Variants in MRPL3 observed in about 807,000 individuals in gnomAD.
The protein encoded by MRPL3 is mitochondrial ribosomal protein L3.
A neutral mutation model predicts 44.3 loss-of-function variants in MRPL3; 43 were observed. The observed-to-expected ratio is 0.97, with a 90% CI of 0.76 to 1.25. The LOEUF is 1.25. MRPL3 is among the 50% of genes most tolerant of loss of function. MRPL3 has a pLI of 0.00. For missense variants in MRPL3, 406 were observed against 427.6 expected, an observed-to-expected ratio of 0.95 and a Z score of 0.45; for synonymous variants, 171 against 152.3, an observed-to-expected ratio of 1.12 and a Z score of -0.91.
chr3:131,497,531 G>A (rs1934397691), intron 4 of MRPL3, among the ~76,000 whole-genome samples: 1 of 152,000 alleles, frequency 6.6e-6, no homozygotes, highest in Non-Finnish European at 1.5e-5. Flanking sequence ...ACCTAAAGAT[G>A]TTTACTGAAA....
chr3:131,487,523 A>G (rs1333064328), intron 6 of MRPL3, 157 bp downstream of exon 6: 8 of 631,694 alleles, frequency 1.3e-5, no homozygotes, highest in Non-Finnish European at 1.6e-5. Context: ...GGCACAATTT[A>G]AAAACCAGTG....
At chr3:131,478,264 T>C (rs1341785821) in intron 6 of MRPL3, among the ~76,000 whole-genome samples, 1 of 152,200 alleles carries the variant, frequency 6.6e-6, no homozygotes, top group African/African-American at 2.4e-5. Context: ...ATGATCCCAT[T>C]CTACAGATGT....
Position 131,471,176 on chromosome 3 carries a change from T to C in MRPL3, c.733A>G (p.Thr245Ala). 1 of 1,608,506 alleles carries C rather than the reference T, an allele frequency of 6.2e-7. No homozygotes were observed. The highest frequency in any genetic ancestry group is 8.5e-7 in the Non-Finnish European group (1 of 1,175,464). ...KTHRRPGAVA[T>A]GDIGRVWPGT... ...GCTTCACTAGTTATACTCACACCAG[T>C]TGCAACAGCTCCAGGTCTCCTGTGG... Residue 245 changes from threonine (T) to alanine (A), a missense_variant, in exon 7 of 10, where the codon ACT becomes GCT. By Grantham distance (58) the Thr-to-Ala change is moderately conservative. Coordinates refer to ENST00000264995, the MANE Select transcript of MRPL3 (RefSeq NM_007208.4).
At chr3:131,466,002 T>A (rs1001063300) in intron 9 of MRPL3, among the ~76,000 whole-genome samples, 1 of 151,648 alleles carries the variant, frequency 6.6e-6, no homozygotes, top group Non-Finnish European at 1.5e-5. Context: ...GGCCACGTGA[T>A]CCTATCCTCC....
intron 1 of MRPL3, among the ~76,000 whole-genome samples, 175 bp downstream of exon 1, chr3:131,502,555 C>T (rs182184839): frequency 1.6e-4 from 24 of 152,308 alleles, no homozygotes; most frequent in African/African-American, 5.8e-4. Flanking sequence ...TTTTAAAAAT[C>T]ACCACTTCAA....
At chr3:131,484,518 C>T (rs956354889) in intron 6 of MRPL3, among the ~76,000 whole-genome samples, 1 of 151,830 alleles carries the variant, frequency 6.6e-6, no homozygotes, top group Non-Finnish European at 1.5e-5. Flanking sequence ...GATTAATATC[C>T]AGAAGATAGA....
Position 131,462,838 on chromosome 3 carries a change from C to T in MRPL3, c.932G>A (p.Gly311Asp). Reference sequence around the variant, plus strand: ...ATATGTAGGGAATGGTAGATTTTTACCGAGATCCTTATATGCAGGCAGTTT... The same window carrying T: ...ATATGTAGGGAATGGTAGATTTTTATCGAGATCCTTATATGCAGGCAGTTT... Reference protein sequence around the residue: ...DSKLPAYKDLGKNLPFPTYFP... With the variant: ...DSKLPAYKDLDKNLPFPTYFP... Residue 311 changes from glycine to aspartate, a missense_variant, in exon 10 of 10, where the codon GGT becomes GAT. Coordinates refer to ENST00000264995, the MANE Select transcript of MRPL3 (RefSeq NM_007208.4). The T allele has an allele frequency of 6.2e-7, 1 of 1,612,080 alleles. No individual in the cohort carries two copies. The highest frequency in any genetic ancestry group is 1.1e-5 in the South Asian group (1 of 90,878).
chr3:131,488,634 A>C (rs1467947114), intron 5 of MRPL3: 2 of 152,126 alleles, frequency 1.3e-5, no homozygotes, highest in East Asian at 3.8e-4. Context: ...TCATCAAATA[A>C]GATACATTTT....
chr3:131,497,948 T>G, intron 4 of MRPL3: 1 of 533,870 alleles, frequency 1.9e-6, no homozygotes, highest in Non-Finnish European at 3.3e-6. Context: ...CACTACAGCT[T>G]AGAGAGGTAA....
intron 4 of MRPL3, among the ~76,000 whole-genome samples, chr3:131,492,735 A>G (rs1230254322): frequency 1.3e-5 from 2 of 148,926 alleles, no homozygotes; most frequent in African/African-American, 5.2e-5. Flanking sequence ...TTCACCCCCA[A>G]ACCTACCCAA....
chr3:131,481,000 A>T (rs191443795), intron 6 of MRPL3, among the ~76,000 whole-genome samples: 1,789 of 152,340 alleles, frequency 0.012, 75 homozygotes, highest in Admixed American at 0.086. Context: ...ATCGCTGGAA[A>T]TGGAAACATC....
chr3:131,464,955 T>C (rs1933569063), intron 9 of MRPL3, among the ~76,000 whole-genome samples: 1 of 152,158 alleles, frequency 6.6e-6, no homozygotes, highest in Non-Finnish European at 1.5e-5. Flanking sequence ...AGAACGTAAA[T>C]AATGGAGTGA....
In MRPL3 at chr3:131,469,687, AAC is replaced by A. The variant is rs1435690735; in HGVS notation, c.816+7_816+8del. On this transcript the variant is annotated splice_region_variant and intron_variant, in intron 8 of 9. Coordinates refer to ENST00000264995, the MANE Select transcript of MRPL3 (RefSeq NM_007208.4). The stretch of plus-strand genomic sequence containing the variant: ...GCTGTTCCTAAAAAGAACCACTTGT[AAC>A]ACTTACTTTCAGTCCATATTCTGTC... 6.3e-7 allele frequency: 1 copy of A among 1,599,822 alleles called. No individual in the cohort carries two copies. Among genetic ancestry groups the A allele is most frequent in the South Asian group, 1.1e-5 (1 of 89,444 alleles).
chr3:131,488,439 C>T (rs979886254), intron 5 of MRPL3, among the ~76,000 whole-genome samples: 3 of 152,028 alleles, frequency 2.0e-5, no homozygotes. Context: ...TGAATCAAAG[C>T]CCTTCATAAT....
intron 6 of MRPL3, among the ~76,000 whole-genome samples, chr3:131,485,104 C>T (rs1479730588): frequency 6.6e-6 from 1 of 152,142 alleles, no homozygotes; most frequent in South Asian, 2.1e-4. Context: ...TGGTGCATGG[C>T]TTTACATAAT....
intron 1 of MRPL3, 189 bp from the exon 2 acceptor site, chr3:131,501,904 T>C (rs1429626253): frequency 6.5e-7 from 1 of 1,537,048 alleles, no homozygotes; most frequent in Non-Finnish European, 8.7e-7. Flanking sequence ...AAGGCTCACA[T>C]TTAAACTGTT....
intron 4 of MRPL3, among the ~76,000 whole-genome samples, chr3:131,496,233 C>T (rs947737064): frequency 6.6e-6 from 1 of 152,128 alleles, no homozygotes; most frequent in Non-Finnish European, 1.5e-5. Context: ...AAGGCTGGTA[C>T]ATAATAAATT....
At chr3:131,466,904 G>C (rs1458610255) in intron 9 of MRPL3, among the ~76,000 whole-genome samples, 3 of 151,886 alleles carry the variant, frequency 2.0e-5, no homozygotes, top group Non-Finnish European at 4.4e-5. Context: ...ATTAGCTATA[G>C]TCAGTCACCC....
intron 9 of MRPL3, among the ~76,000 whole-genome samples, chr3:131,464,425 G>A (rs1000189566): frequency 4.6e-5 from 7 of 152,082 alleles, no homozygotes; most frequent in African/African-American, 1.7e-4. Context: ...CCAAAGGTCT[G>A]CAGCCCATAT....
Sources: gnomAD v4.1 joint callset for allele counts (sites outside exome capture counted in the v4.1 genomes callset) on GRCh38, gnomAD v4.1.1 for gene constraint, MANE v1.5 for transcripts, NCBI Gene and HGNC (gene_info 2026-07-23, HGNC 2026-07-21) for gene names.